BTBD9: variants seen among roughly 807,000 people sequenced by gnomAD.
The protein encoded by BTBD9 is BTB/POZ domain-containing protein 9.
Under a neutral mutation model 64.3 loss-of-function variants are expected in BTBD9, and 49 were observed. The ratio of observed to expected loss-of-function variants is 0.76; its 90% CI spans 0.61 to 0.97. The LOEUF (loss-of-function observed/expected upper bound fraction) is 0.97. BTBD9 is among the 50% of genes least tolerant of loss of function. BTBD9 has a pLI of 0.00. For synonymous variants in BTBD9, 260 were observed against 274.7 expected (o/e 0.95, Z 0.53); for missense variants, 598 against 762.1 (o/e 0.78, Z 2.53).
intron 7 of BTBD9, among the ~76,000 whole-genome samples, chr6:38,311,515 T>C (rs1250233672): frequency 6.6e-6 from 1 of 152,240 alleles, no homozygotes; most frequent in East Asian, 1.9e-4. Flanking sequence ...AAATCTTGGC[T>C]ATTGTGAACA....
At chr6:38,481,089 A>G (rs531047774) in intron 6 of BTBD9, among the ~76,000 whole-genome samples, 1 of 152,320 alleles carries the variant, frequency 6.6e-6, no homozygotes, top group East Asian at 1.9e-4. Flanking sequence ...TGGAAATCCC[A>G]TTGAGTAGGG....
intron 9 of BTBD9, among the ~76,000 whole-genome samples, chr6:38,226,585 C>A (rs888551435): frequency 2.0e-5 from 3 of 152,152 alleles, no homozygotes; most frequent in Non-Finnish European, 4.4e-5. Flanking sequence ...ACAACACACA[C>A]AACTGAAGAG....
At chr6:38,402,080 AAAC>A (rs1766951725) in intron 6 of BTBD9, among the ~76,000 whole-genome samples, 1 of 152,312 alleles carries the variant, frequency 6.6e-6, no homozygotes, top group East Asian at 1.9e-4. Context: ...AAAATTAAGA[AAAC>A]AATTTCATTT....
chr6:38,579,889 C>T (rs1437611191), intron 5 of BTBD9, among the ~76,000 whole-genome samples: 1 of 151,572 alleles, frequency 6.6e-6, no homozygotes, highest in Non-Finnish European at 1.5e-5. Flanking sequence ...TGTATGTGTC[C>T]ATGCATAATT....
chr6:38,485,036 C>A (rs1045928609), intron 6 of BTBD9, among the ~76,000 whole-genome samples: 1 of 152,198 alleles, frequency 6.6e-6, no homozygotes, highest in Non-Finnish European at 1.5e-5. Context: ...GAGGTCAATC[C>A]TCTCAAACCC....
chr6:38,360,678 CAT>C (rs1409480727), intron 6 of BTBD9, among the ~76,000 whole-genome samples: 2 of 152,054 alleles, frequency 1.3e-5, no homozygotes, highest in African/African-American at 2.4e-5. Flanking sequence ...AGAAGAGTAA[CAT>C]GTGCAAAATC....
At chr6:38,421,180 C>T (rs1012153724) in intron 6 of BTBD9, among the ~76,000 whole-genome samples, 1 of 151,974 alleles carries the variant, frequency 6.6e-6, no homozygotes, top group Admixed American at 6.6e-5. Context: ...TGGCAAAACC[C>T]CATCTCCACT....
intron 7 of BTBD9, among the ~76,000 whole-genome samples, chr6:38,292,276 T>G (rs1270613519): frequency 6.6e-6 from 1 of 152,160 alleles, no homozygotes; most frequent in Non-Finnish European, 1.5e-5. Flanking sequence ...AATTTTCTTT[T>G]TTGTTGTTGT....
chr6:38,606,246 T>C (rs550002798), intron 1 of BTBD9, among the ~76,000 whole-genome samples: 1 of 152,268 alleles, frequency 6.6e-6, no homozygotes, highest in African/African-American at 2.4e-5. Context: ...TTGTGGGACT[T>C]CACCTTGTGA....
At chr6:38,597,767 C>T in intron 2 of BTBD9, 143 bp downstream of exon 2, 1 of 711,968 alleles carries the variant, frequency 1.4e-6, no homozygotes, top group Non-Finnish European at 2.3e-6. Context: ...ACAAAGTCTA[C>T]AAGGATGAAA....
chr6:38,273,628 G>A (rs1366052067), intron 8 of BTBD9, among the ~76,000 whole-genome samples: 1 of 152,192 alleles, frequency 6.6e-6, no homozygotes, highest in African/African-American at 2.4e-5. Flanking sequence ...AAAAGGGGAT[G>A]ACCATACCAG....
chr6:38,429,387 G>A (rs917654311), intron 6 of BTBD9, among the ~76,000 whole-genome samples: 13 of 150,094 alleles, frequency 8.7e-5, no homozygotes, highest in Admixed American at 1.3e-4. Context: ...CCCAGGAGGC[G>A]GAGATTGCAG....
intron 6 of BTBD9, among the ~76,000 whole-genome samples, chr6:38,529,388 G>A (rs1177591780): frequency 6.6e-6 from 1 of 152,170 alleles, no homozygotes; most frequent in Non-Finnish European, 1.5e-5. Flanking sequence ...ACTAAGCTTG[G>A]GGTGCCCCCT....
At chr6:38,394,311 T>G (rs1268628238) in intron 6 of BTBD9, among the ~76,000 whole-genome samples, 1 of 151,928 alleles carries the variant, frequency 6.6e-6, no homozygotes, top group Admixed American at 6.6e-5. Flanking sequence ...GGTGATAGGG[T>G]GGGGGCTGTC....
At chr6:38,391,151 G>C (rs968879952) in intron 6 of BTBD9, among the ~76,000 whole-genome samples, 1 of 152,202 alleles carries the variant, frequency 6.6e-6, no homozygotes, top group Admixed American at 6.5e-5. Flanking sequence ...AGGCTGAGGG[G>C]AACAGAATTT....
At position 38,299,542 on chromosome 6, in the gene BTBD9, C is replaced by T. The variant is rs867317180; in HGVS notation, c.1265-11081G>A. On this transcript the variant is annotated intron_variant, in intron 7 of 10. Transcript: ENST00000481247. ...TGTTGTTGCCTGACTTTTTAATGAT[C>T]GCCATTCTAACTGGTGTGAGATGGT... is the stretch of plus-strand genomic sequence containing the variant. 7.6e-3 allele frequency among the ~76,000 whole-genome samples: 1,150 copies of T among 152,230 alleles called. 7 individuals carry two copies. Among genetic ancestry groups the T allele is most frequent in the Non-Finnish European group, 0.01 (711 of 68,008 alleles).
intron 6 of BTBD9, among the ~76,000 whole-genome samples, chr6:38,560,761 T>C: frequency 6.6e-6 from 1 of 152,172 alleles, no homozygotes; most frequent in South Asian, 2.1e-4. Flanking sequence ...CACCCCAGTG[T>C]CTACTGTTCC....
chr6:38,392,880 T>TC (rs1196981135), intron 6 of BTBD9, among the ~76,000 whole-genome samples: 1 of 150,912 alleles, frequency 6.6e-6, no homozygotes, highest in Non-Finnish European at 1.5e-5. Context: ...CAATGATTTT[T>TC]TTTTTTTTTT....
At chr6:38,445,857 T>C (rs992392662) in intron 6 of BTBD9, among the ~76,000 whole-genome samples, 1 of 152,220 alleles carries the variant, frequency 6.6e-6, no homozygotes, top group Non-Finnish European at 1.5e-5. Flanking sequence ...GGCCACATGC[T>C]TATCTCTTGG....
Sources: gnomAD v4.1 joint callset for allele counts (sites outside exome capture counted in the v4.1 genomes callset) on GRCh38, gnomAD v4.1.1 for gene constraint, MANE v1.5 for transcripts, NCBI Gene and HGNC (gene_info 2026-07-23, HGNC 2026-07-21) for gene names.